XKR6: variants seen among roughly 807,000 people sequenced by gnomAD.
The protein encoded by XKR6 is XK related 6, also known as XK-related protein 6.
Under a neutral mutation model 56.7 loss-of-function variants are expected in XKR6, and 22 were observed. The ratio of observed to expected loss-of-function variants is 0.39; its 90% CI spans 0.28 to 0.55. XKR6 has a LOEUF of 0.55. XKR6 is among the 20% of genes least tolerant of loss of function. The pLI is 0.66. For synonymous variants in XKR6, 524 were observed against 387.8 expected (o/e 1.35, Z -4.13); for missense variants, 852 against 889.0 (o/e 0.96, Z 0.53).
intron 1 of XKR6, among the ~76,000 whole-genome samples, chr8:11,067,868 C>T (rs771604505): frequency 7.2e-5 from 11 of 152,252 alleles, no homozygotes; most frequent in Non-Finnish European, 1.6e-4. Context: ...TGGGGTTGCA[C>T]CACTGAGCCT....
intron 1 of XKR6, among the ~76,000 whole-genome samples, chr8:10,925,269 T>C (rs1402316085): frequency 6.6e-6 from 1 of 152,132 alleles, no homozygotes; most frequent in Non-Finnish European, 1.5e-5. Context: ...GGGAAGCGGG[T>C]GAACATTTCT....
At chr8:11,046,225 C>T (rs1449680876) in intron 1 of XKR6, among the ~76,000 whole-genome samples, 2 of 151,914 alleles carry the variant, frequency 1.3e-5, no homozygotes, top group African/African-American at 4.8e-5. Context: ...ATGGTGAAAC[C>T]CCCGTCTCTA....
chr8:11,200,349 G>C lies in XKR6; in HGVS notation c.764+227C>G, dbSNP rs543214070. On this transcript the variant is annotated intron_variant, in intron 1 of 2. Coordinates refer to ENST00000416569, the MANE Select transcript of XKR6 (RefSeq NM_173683.4). The surrounding 1 kb of genome is among the most constrained non-coding windows in gnomAD (Gnocchi z 6.4). ...GCAAGAGCCCCGCCGAGTGCGAAGC[G>C]GGGACGAGGACGGGCCAACGGCAGG... Among the ~76,000 whole-genome samples, 1 of 152,346 alleles carries C rather than the reference G, an allele frequency of 6.6e-6. No homozygotes were observed. The highest frequency in any genetic ancestry group is 1.9e-4 in the East Asian group (1 of 5,178).
At chr8:11,085,965 C>G (rs1048157500) in intron 1 of XKR6, among the ~76,000 whole-genome samples, 3 of 152,028 alleles carry the variant, frequency 2.0e-5, no homozygotes, top group African/African-American at 7.2e-5. Context: ...CTGCTGTGCT[C>G]ACTAGAATTT....
intron 1 of XKR6, among the ~76,000 whole-genome samples, chr8:10,967,813 G>A (rs1468680594): frequency 2.0e-5 from 3 of 152,196 alleles, no homozygotes; most frequent in Admixed American, 6.5e-5. Flanking sequence ...CGGGTGGGGT[G>A]AGGCCTTAGG....
chr8:11,170,041 G>A (rs1291480225), intron 1 of XKR6, among the ~76,000 whole-genome samples: 1 of 152,154 alleles, frequency 6.6e-6, no homozygotes, highest in Non-Finnish European at 1.5e-5. Context: ...AGCTGGATCT[G>A]ACGTTAGATC....
chr8:10,983,596 C>T (rs1797784179), intron 1 of XKR6, among the ~76,000 whole-genome samples: 1 of 151,950 alleles, frequency 6.6e-6, no homozygotes, highest in African/African-American at 2.4e-5. Context: ...TAAGAACAGA[C>T]AACAGCAACA....
chr8:11,196,978 TAG>T (rs3087083), intron 1 of XKR6, among the ~76,000 whole-genome samples: 45,355 of 152,090 alleles, frequency 0.3, 7,469 homozygotes, highest in Non-Finnish European at 0.37. Context: ...GCAGATTTTG[TAG>T]AGAGCTGCAT....
intron 1 of XKR6, among the ~76,000 whole-genome samples, chr8:11,125,238 C>T (rs948738825): frequency 1.3e-4 from 20 of 152,080 alleles, no homozygotes; most frequent in Non-Finnish European, 2.5e-4. Context: ...AGCTGAGGAC[C>T]GGAGGCGAGG....
intron 1 of XKR6, among the ~76,000 whole-genome samples, chr8:11,020,294 G>A (rs1042401066): frequency 7.9e-5 from 12 of 152,126 alleles, no homozygotes; most frequent in Non-Finnish European, 1.5e-4. Flanking sequence ...ATCCCGACAC[G>A]GAAGCACAAG....
At chr8:10,965,401 G>C (rs1419601195) in intron 1 of XKR6, among the ~76,000 whole-genome samples, 1 of 152,226 alleles carries the variant, frequency 6.6e-6, no homozygotes, top group Non-Finnish European at 1.5e-5. Context: ...TCCCACTCAA[G>C]ACACAGCCTA....
rs188180224 is a variant in XKR6 at position 11,005,796 on chromosome 8, G to C, written c.765-80966C>G. Among the ~76,000 whole-genome samples, 308 of 149,950 alleles carry C rather than the reference G, an allele frequency of 2.1e-3. 3 individuals carry two copies. Among genetic ancestry groups the C allele is most frequent in the African/African-American group, 7.2e-3 (293 of 40,912 alleles). ...TCTTTTTCATATCTACAGTTTTCAA[G>C]GTTTGTATGATAGACATATATAATA... On this transcript the variant is annotated intron_variant, in intron 1 of 2. Coordinates refer to ENST00000416569, the MANE Select transcript of XKR6 (RefSeq NM_173683.4).
intron 2 of XKR6, among the ~76,000 whole-genome samples, chr8:10,917,016 A>C (rs182243335): frequency 2.8e-4 from 42 of 152,032 alleles, no homozygotes; most frequent in African/African-American, 9.4e-4. Flanking sequence ...ACGGAAAATC[A>C]GTGTTTATAT....
chr8:10,929,141 T>G (rs1476727657), intron 1 of XKR6, among the ~76,000 whole-genome samples: 1 of 152,216 alleles, frequency 6.6e-6, no homozygotes, highest in Non-Finnish European at 1.5e-5. Flanking sequence ...TTTGTCTTTC[T>G]TCAGGTGAGT....
chr8:11,033,367 A>T (rs913224739), intron 1 of XKR6, among the ~76,000 whole-genome samples: 2 of 147,752 alleles, frequency 1.4e-5, no homozygotes, highest in African/African-American at 5.3e-5. Context: ...GACGATAGTG[A>T]TGGTGATGGT....
chr8:11,140,496 C>G (rs939477570), intron 1 of XKR6, among the ~76,000 whole-genome samples: 1 of 152,120 alleles, frequency 6.6e-6, no homozygotes, highest in African/African-American at 2.4e-5. Flanking sequence ...AGTTAAGATA[C>G]TTAAGGAAAG....
chr8:11,181,021 C>G (rs985964624), intron 1 of XKR6, among the ~76,000 whole-genome samples: 2 of 152,184 alleles, frequency 1.3e-5, no homozygotes, highest in Non-Finnish European at 2.9e-5. Flanking sequence ...AGGCTTCATA[C>G]TTTTTGTTTA....
chr8:10,917,557 T>C (rs1800596366), intron 2 of XKR6, among the ~76,000 whole-genome samples: 1 of 152,204 alleles, frequency 6.6e-6, no homozygotes, highest in Non-Finnish European at 1.5e-5. Flanking sequence ...GAGGTCACTC[T>C]AGGTTCCAGC....
chr8:11,042,807 C>A (rs1440991412), intron 1 of XKR6, among the ~76,000 whole-genome samples: 1 of 152,224 alleles, frequency 6.6e-6, no homozygotes, highest in Non-Finnish European at 1.5e-5. Flanking sequence ...CATTTGGATC[C>A]CAGCAGTGGA....
Sources: gnomAD v4.1 joint callset for allele counts (sites outside exome capture counted in the v4.1 genomes callset) on GRCh38, gnomAD v4.1.1 for gene constraint, Gnocchi (gnomAD v3.1) non-coding constraint, MANE v1.5 for transcripts, NCBI Gene and HGNC (gene_info 2026-07-23, HGNC 2026-07-21) for gene names.